Variants in TIAL1 observed in about 807,000 individuals in gnomAD.
TIAL1 encodes the protein nucleolysin TIAR.
TIAL1 carries 7 observed loss-of-function variants against 59.7 expected under a neutral mutation model. The observed-to-expected ratio is 0.12, with a 90% CI of 0.07 to 0.22. TIAL1 has a LOEUF of 0.22. TIAL1 is among the 10% of genes least tolerant of loss of function. TIAL1 has a pLI of 1.00. For missense variants in TIAL1, 225 were observed against 462.5 expected (o/e 0.49, Z 4.71); for synonymous variants, 149 against 146.3 (o/e 1.02, Z -0.13).
intron 1 of TIAL1, among the ~76,000 whole-genome samples, chr10:119,591,750 T>A (rs1462129565): frequency 1.3e-5 from 2 of 152,314 alleles, no homozygotes; most frequent in East Asian, 3.9e-4. Flanking sequence ...ACCTAAACTT[T>A]ACCCAAATTT....
intron 2 of TIAL1, among the ~76,000 whole-genome samples, chr10:119,586,614 A>C (rs1377663450): frequency 2.0e-5 from 3 of 152,204 alleles, no homozygotes; most frequent in Non-Finnish European, 4.4e-5. Context: ...CTGCCACAGC[A>C]ATCAGAGTAA....
chr10:119,590,745 AG>A (rs2133999881), intron 1 of TIAL1, among the ~76,000 whole-genome samples: 1 of 105,256 alleles, frequency 9.5e-6, no homozygotes, highest in Admixed American at 9.5e-5. Context: ...AGAAAGAGAG[AG>A]AGACAGAGAG....
chr10:119,587,321 AT>A (rs1459265138), intron 2 of TIAL1, among the ~76,000 whole-genome samples: 1 of 152,132 alleles, frequency 6.6e-6, no homozygotes, highest in Non-Finnish European at 1.5e-5. Context: ...AGTTCCCTTT[AT>A]TTGGAATCCC....
intron 1 of TIAL1, among the ~76,000 whole-genome samples, chr10:119,594,014 G>A (rs906666295): frequency 4.0e-5 from 6 of 151,268 alleles, no homozygotes; most frequent in Admixed American, 6.6e-5. Flanking sequence ...TATGTTCCAG[G>A]CAGTGAACTA....
intron 1 of TIAL1, 99 bp from the exon 2 acceptor site, chr10:119,588,347 CTTTCTTT>C (rs1215268319): frequency 1.3e-5 from 8 of 592,942 alleles, no homozygotes; most frequent in East Asian, 3.4e-5. Context: ...TTCTTTCTTT[CTTTCTTT>C]TTTTTTTAGA....
rs1370272714 is a variant in TIAL1, at chr10:119,574,916, G to C, written c.*749C>G. The C allele has an allele frequency of 6.6e-6, 1 of 152,588 alleles. No individual in the cohort carries two copies. Among genetic ancestry groups the C allele is most frequent in the African/African-American group, 2.4e-5 (1 of 41,428 alleles). 9.5% of individuals were successfully genotyped at this position (152,588 alleles called of 1,614,324 possible). A position where few individuals can be genotyped will look rare whatever the true frequency, so the allele number is the denominator to read the frequency against. ...AAACTTCATGTAAAAGCACAAGTATGACTGTCTGACTTCAATACAAACACC... is the reference window on the plus strand; with the variant it reads ...AAACTTCATGTAAAAGCACAAGTATCACTGTCTGACTTCAATACAAACACC... On this transcript the variant is annotated 3_prime_UTR_variant, in exon 12 of 12. Coordinates refer to ENST00000436547, the MANE Select transcript of TIAL1 (RefSeq NM_003252.4).
intron 8 of TIAL1, 23 bp downstream of exon 8, chr10:119,577,618 G>C: frequency 6.2e-7 from 1 of 1,609,770 alleles, no homozygotes; most frequent in East Asian, 2.2e-5. Flanking sequence ...CCTCAGAGGT[G>C]ATTAGAAAAC....
At chr10:119,590,578 C>T (rs911817377) in intron 1 of TIAL1, among the ~76,000 whole-genome samples, 4 of 151,908 alleles carry the variant, frequency 2.6e-5, no homozygotes, top group Admixed American at 1.3e-4. Flanking sequence ...GGCATGGTGG[C>T]GCGCACCTAT....
chr10:119,584,825 T>C (rs1335806779), intron 2 of TIAL1, among the ~76,000 whole-genome samples: 1 of 150,586 alleles, frequency 6.6e-6, no homozygotes, highest in Admixed American at 6.6e-5. Context: ...CCAGACTCTG[T>C]CTCAAAAAAA....
intron 2 of TIAL1, among the ~76,000 whole-genome samples, chr10:119,583,008 AT>A (rs1286163010): frequency 2.0e-5 from 3 of 152,202 alleles, no homozygotes; most frequent in Non-Finnish European, 4.4e-5. Context: ...AACCAACTTC[AT>A]AAACTACTGA....
At chr10:119,587,966 A>C (rs1845654822) in intron 2 of TIAL1, among the ~76,000 whole-genome samples, 186 bp downstream of exon 2, 1 of 152,248 alleles carries the variant, frequency 6.6e-6, no homozygotes, top group Admixed American at 6.5e-5. Context: ...GCTTAACAGC[A>C]CGGAAACTTT....
intron 1 of TIAL1, among the ~76,000 whole-genome samples, chr10:119,593,912 T>A (rs940671827): frequency 6.6e-6 from 1 of 152,204 alleles, no homozygotes; most frequent in Non-Finnish European, 1.5e-5. Context: ...AATGTCTGCC[T>A]ACAATCTTAG....
At chr10:119,585,804 A>G (rs1380150355) in intron 2 of TIAL1, among the ~76,000 whole-genome samples, 2 of 152,070 alleles carry the variant, frequency 1.3e-5, no homozygotes, top group East Asian at 3.9e-4. Flanking sequence ...CTCAACAATG[A>G]CCTCTCTGCT....
chr10:119,583,292 C>CAAGACA (rs1845384556), intron 2 of TIAL1, among the ~76,000 whole-genome samples: 1 of 151,948 alleles, frequency 6.6e-6, no homozygotes. Context: ...TAAAATATTC[C>CAAGACA]AAGACAAAGC....
At chr10:119,580,519 T>C in intron 5 of TIAL1, 1 of 1,021,802 alleles carries the variant, frequency 9.8e-7, no homozygotes, top group Non-Finnish European at 1.2e-6. Context: ...TTCTCTACCA[T>C]CATTTTGGAG....
At chr10:119,580,207 T>A (rs1845236741) in intron 5 of TIAL1, 197 bp from the exon 6 acceptor site, 1 of 486,206 alleles carries the variant, frequency 2.1e-6, no homozygotes, top group Non-Finnish European at 3.5e-6. Context: ...AAACATGTAA[T>A]AAACATGCAA....
chr10:119,584,048 CA>C (rs1279717592), intron 2 of TIAL1, among the ~76,000 whole-genome samples: 1 of 152,148 alleles, frequency 6.6e-6, no homozygotes, highest in Non-Finnish European at 1.5e-5. Flanking sequence ...ATAATCACAG[CA>C]AAACATACAG....
chr10:119,576,879 T>G, intron 10 of TIAL1, 129 bp from the exon 11 acceptor site: 1 of 1,397,000 alleles, frequency 7.2e-7, no homozygotes, highest in Non-Finnish European at 9.7e-7. Flanking sequence ...TATTTATCAT[T>G]GTCTAAGTTT....
At chr10:119,596,246 T>A (rs936577293) in intron 1 of TIAL1, among the ~76,000 whole-genome samples, 188 bp downstream of exon 1, 4 of 152,202 alleles carry the variant, frequency 2.6e-5, no homozygotes, top group African/African-American at 9.6e-5. Flanking sequence ...AGTGACTGTT[T>A]GGGGGAAGGG....
Sources: gnomAD v4.1 joint callset for allele counts (sites outside exome capture counted in the v4.1 genomes callset) on GRCh38, gnomAD v4.1.1 for gene constraint, MANE v1.5 for transcripts, NCBI Gene and HGNC (gene_info 2026-07-23, HGNC 2026-07-21) for gene names.